The following PDS5B variants were observed in gnomAD, a reference collection of about 807,000 sequenced individuals.
The protein encoded by PDS5B is sister chromatid cohesion protein PDS5 homolog B.
Under a neutral mutation model 184.1 loss-of-function variants are expected in PDS5B, and 51 were observed. That is an observed-to-expected ratio of 0.28 (90% confidence interval 0.22 to 0.35). The LOEUF is 0.35. Ranked by LOEUF, PDS5B falls within the 10% of genes least tolerant of loss-of-function variation. The probability of loss-of-function intolerance (pLI) is 1.00; values close to 1 mark genes in which losing one functional copy is unlikely to be tolerated. For missense variants in PDS5B, 1,180 were observed against 1,723.3 expected (o/e 0.68, Z 5.58); for synonymous variants, 566 against 569.2 (o/e 0.99, Z 0.08).
intron 18 of PDS5B, among the ~76,000 whole-genome samples, chr13:32,707,575 T>G (rs1298113369): frequency 6.7e-6 from 1 of 149,130 alleles, no homozygotes; most frequent in Non-Finnish European, 1.5e-5. Flanking sequence ...TATTAAAGTA[T>G]AAGCATTTTT....
intron 7 of PDS5B, among the ~76,000 whole-genome samples, chr13:32,670,146 TC>T (rs1339262536): frequency 6.9e-6 from 1 of 144,392 alleles, no homozygotes; most frequent in Non-Finnish European, 1.5e-5. Flanking sequence ...TTTTTTTTAT[TC>T]GATAGTATTT....
chr13:32,767,376 ACT>A (rs1309916609), intron 31 of PDS5B, among the ~76,000 whole-genome samples: 2 of 152,148 alleles, frequency 1.3e-5, no homozygotes, highest in African/African-American at 4.8e-5. Context: ...TGCTGTCACC[ACT>A]GTTTTTAAAA....
At chr13:32,750,845 C>CTGTGTGTG (rs1361949812) in intron 24 of PDS5B, among the ~76,000 whole-genome samples, 1 of 94,160 alleles carries the variant, frequency 1.1e-5, no homozygotes, top group Non-Finnish European at 2.3e-5. Flanking sequence ...CCCGGCCTCC[C>CTGTGTGTG]TCTGTGTGTG....
At chr13:32,743,326 G>T (rs200199801) in intron 23 of PDS5B, among the ~76,000 whole-genome samples, 1 of 66 alleles carries the variant, frequency 0.015, no homozygotes, top group African/African-American at 0.062. Context: ...ACCCACGGAA[G>T]TAGGAGGTAA....
At chr13:32,712,871 A>G (rs1000539748) in intron 19 of PDS5B, among the ~76,000 whole-genome samples, 23 of 152,208 alleles carry the variant, frequency 1.5e-4, no homozygotes, top group Non-Finnish European at 3.2e-4. Flanking sequence ...CATGAAGGAA[A>G]TATCTTTTTA....
chr13:32,717,528 C>T (rs9591269), intron 19 of PDS5B, among the ~76,000 whole-genome samples: 41,818 of 127,658 alleles, frequency 0.33, 5,504 homozygotes, highest in Non-Finnish European at 0.39. Flanking sequence ...TCCCTAATCT[C>T]AAGTACCCAG....
intron 1 of PDS5B, among the ~76,000 whole-genome samples, chr13:32,599,900 A>C (rs1469223282): frequency 2.0e-5 from 3 of 151,990 alleles, no homozygotes; most frequent in Non-Finnish European, 4.4e-5. Flanking sequence ...GGGTGACAGA[A>C]TGAGACTCTG....
intron 1 of PDS5B, among the ~76,000 whole-genome samples, chr13:32,595,731 CACAGAG>C (rs1197683332): frequency 1.3e-5 from 2 of 152,152 alleles, no homozygotes; most frequent in Non-Finnish European, 2.9e-5. Flanking sequence ...ATCAATTAGA[CACAGAG>C]ACAAAGGGTC....
chr13:32,613,557 A>G (rs913063792), intron 1 of PDS5B, among the ~76,000 whole-genome samples: 1 of 152,134 alleles, frequency 6.6e-6, no homozygotes, highest in South Asian at 2.1e-4. Context: ...CTGTCTATTC[A>G]TATCCTTTGC....
intron 15 of PDS5B, among the ~76,000 whole-genome samples, chr13:32,699,357 A>G (rs1951800295): frequency 6.6e-6 from 1 of 152,190 alleles, no homozygotes; most frequent in Admixed American, 6.5e-5. Context: ...TTAAAGGTAA[A>G]ACTTAGTGAT....
chr13:32,636,311 T>A (rs933656350), intron 1 of PDS5B, among the ~76,000 whole-genome samples: 1 of 152,212 alleles, frequency 6.6e-6, no homozygotes, highest in South Asian at 2.1e-4. Flanking sequence ...TTTTAAAAAA[T>A]TAAAGCTGTC....
At chr13:32,764,409 C>T in intron 30 of PDS5B, 80 bp from the exon 31 acceptor site, 1 of 796,898 alleles carries the variant, frequency 1.3e-6, no homozygotes, top group Non-Finnish European at 1.8e-6. Flanking sequence ...TTCCATAAAT[C>T]TGTAAAGCTA....
intron 1 of PDS5B, among the ~76,000 whole-genome samples, chr13:32,594,327 A>G (rs1220468507): frequency 6.6e-6 from 1 of 152,226 alleles, no homozygotes; most frequent in Admixed American, 6.5e-5. Context: ...AAATGGGATA[A>G]TTACTGAATG....
At chr13:32,591,341 A>G (rs2057772376) in intron 1 of PDS5B, among the ~76,000 whole-genome samples, 1 of 151,632 alleles carries the variant, frequency 6.6e-6, no homozygotes, top group East Asian at 1.9e-4. Context: ...CTGGTCTCAA[A>G]CTCCTGACCT....
chr13:32,688,132 A>C (rs1951448156), intron 12 of PDS5B, among the ~76,000 whole-genome samples: 1 of 150,040 alleles, frequency 6.7e-6, no homozygotes, highest in Admixed American at 6.6e-5. Flanking sequence ...AGAAATTTAG[A>C]ACTTGGCATT....
chr13:32,746,206 G>T, intron 24 of PDS5B, 106 bp downstream of exon 24: 2 of 969,706 alleles, frequency 2.1e-6, no homozygotes, highest in South Asian at 2.1e-5. Context: ...TGTATGGTTT[G>T]TTTGTTTCTG....
At position 32,679,649 on chromosome 13, in the gene PDS5B, A is replaced by AT. The variant is rs1348081202; in HGVS notation, c.1057+720_1057+721insT. 9.4e-4 allele frequency among the ~76,000 whole-genome samples: 98 copies of AT among 104,580 alleles called. No homozygotes were observed. The South Asian group carries it at 0.019, about 21-fold the overall frequency. 68.6% of individuals were successfully genotyped at this position (104,580 alleles called of 152,430 possible). A position where few individuals can be genotyped will look rare whatever the true frequency, so the allele number is the denominator to read the frequency against. On this transcript the variant is annotated intron_variant, in intron 10 of 34. Coordinates refer to ENST00000315596, the MANE Select transcript of PDS5B (RefSeq NM_015032.4). The stretch of plus-strand genomic sequence containing the variant: ...GAAACTCTTTATCTCAAAAAAAAAA[A>AT]AAAAATAAATAAATAAATGAATAAA...
At chr13:32,634,671 C>T (rs2058511305) in intron 1 of PDS5B, among the ~76,000 whole-genome samples, 1 of 151,606 alleles carries the variant, frequency 6.6e-6, no homozygotes, top group South Asian at 2.1e-4. Context: ...GCAACCTCCA[C>T]CTCCAGGGTT....
chr13:32,747,704 C>T (rs1396619822), intron 24 of PDS5B, among the ~76,000 whole-genome samples: 2 of 152,186 alleles, frequency 1.3e-5, no homozygotes, highest in South Asian at 2.1e-4. Flanking sequence ...GCATCTATCA[C>T]GTTTCTTAGA....
Sources: allele counts gnomAD v4.1 joint callset (sites outside exome capture counted in the v4.1 genomes callset), GRCh38; gene constraint gnomAD v4.1.1; transcripts MANE v1.5; gene names NCBI Gene and HGNC (gene_info 2026-07-23, HGNC 2026-07-21).